Variants in VAPA observed in about 807,000 individuals in gnomAD.
VAPA encodes the protein VAMP associated protein A, also known as vesicle-associated membrane protein-associated protein A.
VAPA carries 6 observed loss-of-function variants against 25.6 expected under a neutral mutation model. That is an observed-to-expected ratio of 0.23 (90% CI 0.13 to 0.46). The LOEUF (loss-of-function observed/expected upper bound fraction) is 0.46. Ranked by LOEUF, VAPA falls within the 20% of genes least tolerant of loss-of-function variation. The pLI is 0.99. For synonymous variants in VAPA, 112 were observed against 106.2 expected (o/e 1.05, Z -0.34); for missense variants, 244 against 302.1 (o/e 0.81, Z 1.43).
chr18:9,954,415 ATT>A lies in VAPA; in HGVS notation c.*205_*206del, dbSNP rs1223040704. The A allele has an allele frequency of 2.0e-6, 1 of 500,830 alleles. No homozygotes were observed. Among genetic ancestry groups the A allele is most frequent in the African/African-American group, 2.0e-5 (1 of 50,352 alleles). 31.0% of individuals were successfully genotyped at this position (500,830 alleles called of 1,614,324 possible). A position where few individuals can be genotyped will look rare whatever the true frequency, so the allele number is the denominator to read the frequency against. ...TGTTCGGCTACTGGACAGGTTGTAT[ATT>A]ACCAGATCATCACTAGCAGATGTCA... On this transcript the variant is annotated 3_prime_UTR_variant, in exon 6 of 6. Transcript: ENST00000400000.
chr18:9,950,476 C>T lies in VAPA; in HGVS notation c.499C>T (p.Leu167Phe), dbSNP rs746734101. 5.0e-6 allele frequency: 8 copies of T among 1,613,964 alleles called. No individual in the cohort carries two copies. In the Admixed American group the frequency reaches 1.2e-4, roughly 24 times the overall value. ...TATGCCAAAACCACACAGTGTTTCACTTAATGATACCGAAACAAGGAAACT... is the reference window on the plus strand; with the variant it reads ...TATGCCAAAACCACACAGTGTTTCATTTAATGATACCGAAACAAGGAAACT... ...GPMPKPHSVSLNDTETRKLME... is the reference protein window; with the variant it reads ...GPMPKPHSVSFNDTETRKLME... Residue 167 changes from leucine to phenylalanine, a missense_variant, in exon 5 of 6, where the codon CTT (leucine) becomes TTT (phenylalanine). Physicochemically the swap from Leu to Phe is conservative, Grantham distance 22. This residue lies in a region of VAPA where 145 missense variants were observed against 140.6 expected (regional missense o/e 1.03). Coordinates refer to ENST00000400000, the MANE Select transcript of VAPA (RefSeq NM_194434.3).
Position 9,958,968 on chromosome 18 carries a change from A to G in VAPA, c.*4757A>G, listed in dbSNP as rs968162740. 2.6e-5 allele frequency: 4 copies of G among 152,204 alleles called. No individual in the cohort carries two copies. The highest frequency in any genetic ancestry group is 1.3e-4 in the Admixed American group (2 of 15,290). The allele number at this position is 152,204 out of a possible 1,614,324, so 9.4% of individuals were successfully genotyped here. ...GTCCATCATGTATTTCTCAAAGCAA[A>G]AGGTGGTTTTCAAGTATAATGTCGT... is the stretch of plus-strand genomic sequence containing the variant. On this transcript the variant is annotated 3_prime_UTR_variant, in exon 6 of 6. Coordinates refer to ENST00000400000, the MANE Select transcript of VAPA (RefSeq NM_194434.3).
At chr18:9,918,600 T>C (rs944761150) in intron 1 of VAPA, among the ~76,000 whole-genome samples, 1 of 152,238 alleles carries the variant, frequency 6.6e-6, no homozygotes, top group Admixed American at 6.5e-5. Flanking sequence ...TATTGTCTTA[T>C]TTGTGGCATT....
chr18:9,940,406 C>T (rs1000938043), intron 4 of VAPA, among the ~76,000 whole-genome samples: 8 of 152,012 alleles, frequency 5.3e-5, no homozygotes, highest in Non-Finnish European at 8.8e-5. Context: ...TATAATCGAC[C>T]GGGTACCTGT....
At chr18:9,914,982 G>C (rs2143263269) in intron 1 of VAPA, 1 of 152,468 alleles carries the variant, frequency 6.6e-6, no homozygotes, top group East Asian at 1.9e-4. Flanking sequence ...GAACTCGGCC[G>C]TCAGGTGTAG....
chr18:9,938,474 A>T (rs2069333920), intron 4 of VAPA, among the ~76,000 whole-genome samples: 1 of 152,204 alleles, frequency 6.6e-6, no homozygotes, highest in Admixed American at 6.5e-5. Flanking sequence ...AGTTATGCCT[A>T]CCTATTGGTC....
rs2069526675 is a variant in VAPA, at chr18:9,954,712, A to G, written c.*501A>G. 1 of 152,826 alleles carries G rather than the reference A, an allele frequency of 6.5e-6. No individual in the cohort carries two copies. The highest frequency in any genetic ancestry group is 6.5e-5 in the Admixed American group (1 of 15,274). The allele number at this position is 152,826 out of a possible 1,614,324, so 9.5% of individuals were successfully genotyped here. ...TTTACCTTTGCTAATATCATGGCAG[A>G]ATTTTTCTTATCCCTTGTGAGGCAG... On this transcript the variant is annotated 3_prime_UTR_variant, in exon 6 of 6. Coordinates refer to ENST00000400000, the MANE Select transcript of VAPA (RefSeq NM_194434.3).
At chr18:9,948,875 T>G (rs947384192) in intron 4 of VAPA, 4 of 152,206 alleles carry the variant, frequency 2.6e-5, no homozygotes, top group African/African-American at 9.6e-5. Context: ...TCATCCTCTT[T>G]AAGTTTTTAT....
intron 1 of VAPA, among the ~76,000 whole-genome samples, chr18:9,917,813 G>T (rs1417783478): frequency 6.6e-6 from 1 of 151,946 alleles, no homozygotes. Context: ...GGGGCGGGGG[G>T]GAAATTAGAG....
At chr18:9,935,239 G>T (rs1206362999) in intron 2 of VAPA, among the ~76,000 whole-genome samples, 1 of 151,810 alleles carries the variant, frequency 6.6e-6, no homozygotes, top group Non-Finnish European at 1.5e-5. Flanking sequence ...TGAAATAGAT[G>T]TTTATTTAAA....
intron 4 of VAPA, among the ~76,000 whole-genome samples, chr18:9,944,557 G>T (rs1361485852): frequency 3.9e-5 from 6 of 152,130 alleles, no homozygotes; most frequent in Admixed American, 6.5e-5. Context: ...AGACATACAA[G>T]TGCTTGTTTT....
intron 1 of VAPA, among the ~76,000 whole-genome samples, chr18:9,916,170 A>G (rs2069110406): frequency 6.6e-6 from 1 of 152,186 alleles, no homozygotes; most frequent in African/African-American, 2.4e-5. Context: ...TGCTATAGTA[A>G]GGGAGTAATA....
chr18:9,952,564 C>CAAA (rs58664560), intron 5 of VAPA, among the ~76,000 whole-genome samples: 15 of 109,868 alleles, frequency 1.4e-4, no homozygotes, highest in Non-Finnish European at 1.9e-4. Context: ...AACATCGTCT[C>CAAA]AAAAAAAAAA....
At chr18:9,918,710 A>G (rs1369807527) in intron 1 of VAPA, among the ~76,000 whole-genome samples, 2 of 152,074 alleles carry the variant, frequency 1.3e-5, no homozygotes, top group Non-Finnish European at 2.9e-5. Flanking sequence ...TTTTCTCTTT[A>G]TCTTCCTTGC....
chr18:9,928,792 A>T (rs1299748241), intron 1 of VAPA, among the ~76,000 whole-genome samples: 1 of 152,200 alleles, frequency 6.6e-6, no homozygotes, highest in African/African-American at 2.4e-5. Context: ...AGACATAATG[A>T]AGTAGTCAGA....
At position 9,954,350 on chromosome 18, in the gene VAPA, T is replaced by A; in HGVS notation, c.*139T>A. 1 of 717,524 alleles carries A rather than the reference T, an allele frequency of 1.4e-6. No homozygotes were observed. The highest frequency in any genetic ancestry group is 2.3e-6 in the Non-Finnish European group (1 of 433,776). 44.4% of individuals were successfully genotyped at this position (717,524 alleles called of 1,614,324 possible). ...TACAGCGTCATATAGGCTTTGCCTT[T>A]AATGATCTCTTACGGTTAGAAAACA... On this transcript the variant is annotated 3_prime_UTR_variant, in exon 6 of 6. Transcript: ENST00000400000.
chr18:9,947,801 T>C (rs2069441209), intron 4 of VAPA: 1 of 152,176 alleles, frequency 6.6e-6, no homozygotes, highest in African/African-American at 2.4e-5. Context: ...TACTTAAAGT[T>C]ACACCTGCTT....
rs1247143013 is a variant in VAPA, at chr18:9,914,131, T to C, written c.-126T>C. The C allele has an allele frequency of 1.3e-6, 1 of 765,586 alleles. No individual in the cohort carries two copies. The highest frequency in any genetic ancestry group is 2.0e-6 in the Non-Finnish European group (1 of 502,830). The allele number at this position is 765,586 out of a possible 1,614,324, so 47.4% of individuals were successfully genotyped here. A position where few individuals can be genotyped will look rare whatever the true frequency, so the allele number is the denominator to read the frequency against. ...GAACCGGTGACACAGCGGCAGGCGTTAGGGCTCGGGAGCCGCGAGCCTGGC... is the reference window on the plus strand; with the variant it reads ...GAACCGGTGACACAGCGGCAGGCGTCAGGGCTCGGGAGCCGCGAGCCTGGC... On this transcript the variant is annotated 5_prime_UTR_variant, in exon 1 of 6. Coordinates refer to ENST00000400000, the MANE Select transcript of VAPA (RefSeq NM_194434.3).
rs2069579141 is a variant in VAPA, at chr18:9,958,956, T to C, written c.*4745T>C. The stretch of plus-strand genomic sequence containing the variant: ...GAAATTTATTTTGTCCATCATGTAT[T>C]TCTCAAAGCAAAAGGTGGTTTTCAA... On this transcript the variant is annotated 3_prime_UTR_variant, in exon 6 of 6. Coordinates refer to ENST00000400000, the MANE Select transcript of VAPA (RefSeq NM_194434.3). The C allele has an allele frequency of 6.6e-6, 1 of 152,232 alleles. No individual in the cohort carries two copies. Among genetic ancestry groups the C allele is most frequent in the African/African-American group, 2.4e-5 (1 of 41,466 alleles). The allele number at this position is 152,232 out of a possible 1,614,324, so 9.4% of individuals were successfully genotyped here.
Sources: allele counts gnomAD v4.1 joint callset (sites outside exome capture counted in the v4.1 genomes callset), GRCh38; gene constraint gnomAD v4.1.1; regional missense constraint gnomAD v4.1.1; transcripts MANE v1.5; gene names NCBI Gene and HGNC (gene_info 2026-07-23, HGNC 2026-07-21).